Variants in EFL1 observed in about 807,000 individuals in gnomAD.
The protein encoded by EFL1 is elongation factor-like GTPase 1.
In EFL1, 76 loss-of-function variants were observed where a neutral mutation model predicts 126.7. The observed-to-expected ratio is 0.60, with a 90% CI of 0.50 to 0.73. EFL1 has a LOEUF of 0.73. EFL1 is among the 30% of genes least tolerant of loss of function. The probability of loss-of-function intolerance (pLI) is 0.00; values close to 1 mark genes in which losing one functional copy is unlikely to be tolerated. For missense variants in EFL1, 1,128 were observed against 1,343.2 expected, an observed-to-expected ratio of 0.84 and a Z score of 2.50; for synonymous variants, 410 against 448.4, an observed-to-expected ratio of 0.91 and a Z score of 1.08.
intron 15 of EFL1, among the ~76,000 whole-genome samples, chr15:82,211,549 TACACACAC>T (rs35812924): frequency 5.3e-5 from 5 of 94,364 alleles, no homozygotes; most frequent in South Asian, 3.2e-4. Flanking sequence ...AAAATCTATA[TACACACAC>T]ACACACACAC....
chr15:82,254,775 T>C (rs947261190), intron 3 of EFL1, among the ~76,000 whole-genome samples: 1 of 152,130 alleles, frequency 6.6e-6, no homozygotes, highest in African/African-American at 2.4e-5. Context: ...ATTCGTCCAT[T>C]GTAGAGAATG....
intron 19 of EFL1, among the ~76,000 whole-genome samples, chr15:82,132,935 T>C (rs942804687): frequency 4.0e-5 from 6 of 151,746 alleles, no homozygotes; most frequent in East Asian, 1.9e-4. Context: ...CAGCAAACAA[T>C]GTCAACACGA....
rs565678146 is a variant in EFL1, at chr15:82,260,995, A to G, written c.91+693T>C. Among the ~76,000 whole-genome samples the G allele has an allele frequency of 4.6e-5, 7 of 152,324 alleles. No individual in the cohort carries two copies. The South Asian group carries it at 1.4e-3, about 32-fold the overall frequency. ...ACAGCAGTATCTGTCAGAAGAACAT[A>G]CCATGGGTTAGCTATCTCTGCCTTT... On this transcript the variant is annotated intron_variant, in intron 2 of 19. Transcript: ENST00000268206.
intron 16 of EFL1, among the ~76,000 whole-genome samples, chr15:82,161,479 A>G (rs2074023669): frequency 1.3e-5 from 2 of 152,236 alleles, no homozygotes; most frequent in African/African-American, 4.8e-5. Flanking sequence ...GACAATGTAA[A>G]AACACCAAGA....
At chr15:82,138,515 T>G (rs975988293) in intron 19 of EFL1, 143 bp downstream of exon 19, 6 of 853,762 alleles carry the variant, frequency 7.0e-6, no homozygotes, top group African/African-American at 5.1e-5. Context: ...AAAAGCCATT[T>G]GCTTTCTCCT....
At chr15:82,250,950 G>A (rs1229348757) in intron 4 of EFL1, among the ~76,000 whole-genome samples, 2 of 152,092 alleles carry the variant, frequency 1.3e-5, no homozygotes, top group Non-Finnish European at 1.5e-5. Flanking sequence ...GGTGGCTCCC[G>A]ACTGTAATCC....
At position 82,261,813 on chromosome 15, in the gene EFL1, G is replaced by C. The variant is rs1244571409; in HGVS notation, c.-19-16C>G. 6.3e-7 allele frequency: 1 copy of C among 1,594,898 alleles called. No homozygotes were observed. The highest frequency in any genetic ancestry group is 8.6e-7 in the Non-Finnish European group (1 of 1,165,866). Reference sequence around the variant, plus strand: ...TTTCCTGTGACTAAAAATTAAATATGTATTACAAATGGCCCAGAGGCTAAA... The same window carrying C: ...TTTCCTGTGACTAAAAATTAAATATCTATTACAAATGGCCCAGAGGCTAAA... On this transcript the variant is annotated splice_polypyrimidine_tract_variant and intron_variant, in intron 1 of 19. Transcript: ENST00000268206.
At chr15:82,161,153 G>C (rs1416611357) in intron 16 of EFL1, among the ~76,000 whole-genome samples, 1 of 150,742 alleles carries the variant, frequency 6.6e-6, no homozygotes, top group African/African-American at 2.5e-5. Flanking sequence ...GAAGCAAACT[G>C]TTGTCTTCTG....
intron 19 of EFL1, among the ~76,000 whole-genome samples, chr15:82,130,885 T>C (rs1387533425): frequency 6.6e-6 from 1 of 152,038 alleles, no homozygotes; most frequent in East Asian, 1.9e-4. Flanking sequence ...TGGGGCGGCA[T>C]GTGCCTGTAG....
chr15:82,220,315 G>T, intron 12 of EFL1, 86 bp from the exon 13 acceptor site: 2 of 1,480,454 alleles, frequency 1.4e-6, no homozygotes, highest in Non-Finnish European at 1.8e-6. Flanking sequence ...GTAAGATGAA[G>T]ATTGGTCCCA....
In EFL1 at chr15:82,152,242, C is replaced by T. The variant is rs974517370; in HGVS notation, c.2212G>A (p.Gly738Arg). ...IPEGIQVDSDGLITITTPNKL... is the reference protein window; with the variant it reads ...IPEGIQVDSDRLITITTPNKL... ...TTGGGAGTTGTTATGGTGATTAGCC[C>T]GTCAGAGTCAACTTGGATTCCTTCA... The change falls in exon 18 of 20, where the codon GGG (glycine) becomes AGG (arginine). Residue 738 changes from glycine to arginine, a missense_variant. Transcript: ENST00000268206. 5.6e-6 allele frequency: 9 copies of T among 1,614,018 alleles called. No individual in the cohort carries two copies. Among genetic ancestry groups the T allele is most frequent in the South Asian group, 2.2e-5 (2 of 91,076 alleles).
chr15:82,157,569 G>A lies in EFL1; in HGVS notation c.2030+144C>T, dbSNP rs533355846. ...GTTATTAAAAAATAAGTCTACAATC[G>A]AATAACTGTTCATGTCTGAATTGAG... On this transcript the variant is annotated intron_variant, in intron 17 of 19. Coordinates refer to ENST00000268206, the MANE Select transcript of EFL1 (RefSeq NM_024580.6). The A allele has an allele frequency of 1.5e-5, 14 of 964,110 alleles. No individual in the cohort carries two copies. In the South Asian group the frequency reaches 3.1e-4, roughly 21 times the overall value. The allele number at this position is 964,110 out of a possible 1,614,324, so 59.7% of individuals were successfully genotyped here. A position where few individuals can be genotyped will look rare whatever the true frequency, so the allele number is the denominator to read the frequency against.
intron 19 of EFL1, among the ~76,000 whole-genome samples, chr15:82,131,773 C>A (rs946473126): frequency 1.2e-4 from 18 of 151,666 alleles, no homozygotes; most frequent in African/African-American, 4.4e-4. Context: ...GCCTGGGCAA[C>A]AAGAGTGAAA....
chr15:82,198,136 G>C (rs1199150890), intron 15 of EFL1, among the ~76,000 whole-genome samples: 1 of 152,200 alleles, frequency 6.6e-6, no homozygotes, highest in Non-Finnish European at 1.5e-5. Flanking sequence ...CGCTGACATT[G>C]AAATTGCACT....
intron 15 of EFL1, among the ~76,000 whole-genome samples, chr15:82,173,954 C>T (rs1259132260): frequency 1.3e-5 from 2 of 152,010 alleles, no homozygotes; most frequent in Non-Finnish European, 2.9e-5. Flanking sequence ...CTTTGGGAGG[C>T]CGAAGCAGGC....
At chr15:82,165,679 T>TTCTTA (rs2074072080) in intron 15 of EFL1, among the ~76,000 whole-genome samples, 2 of 152,224 alleles carry the variant, frequency 1.3e-5, no homozygotes, top group Admixed American at 1.3e-4. Context: ...TCTTAGTGTG[T>TTCTTA]GGAACCTCCA....
At position 82,228,277 on chromosome 15, in the gene EFL1, C is replaced by T. The variant is rs1182304040; in HGVS notation, c.983G>A (p.Gly328Glu). Residue 328 changes from glycine (G) to glutamate (E), a missense_variant, in exon 10 of 20, where the codon GGA becomes GAA. Physicochemically the swap from Gly to Glu is moderately conservative, Grantham distance 98. Around this residue, in one of 6 missense-constraint regions of EFL1, gnomAD observed 316 missense variants for 318.5 expected, o/e 0.99. Coordinates refer to ENST00000268206, the MANE Select transcript of EFL1 (RefSeq NM_024580.6). ...KIVTSLGLKI[G>E]AREARHSDPK... ...GTCTGAATGTCGTGCCTCCCGGGCTCCAATTTTTAATCCTAAAGAAGTCAC... is the reference window on the plus strand; with the variant it reads ...GTCTGAATGTCGTGCCTCCCGGGCTTCAATTTTTAATCCTAAAGAAGTCAC... 4 of 1,613,834 alleles carry T rather than the reference C, an allele frequency of 2.5e-6. No individual in the cohort carries two copies. The highest frequency in any genetic ancestry group is 2.5e-6 in the Non-Finnish European group (3 of 1,179,968).
chr15:82,253,821 A>G (rs1211156585), intron 3 of EFL1, among the ~76,000 whole-genome samples: 1 of 152,202 alleles, frequency 6.6e-6, no homozygotes, highest in African/African-American at 2.4e-5. Context: ...GCAGTGCATC[A>G]GTACTGACAG....
At chr15:82,208,247 T>A (rs2074546435) in intron 15 of EFL1, among the ~76,000 whole-genome samples, 1 of 152,232 alleles carries the variant, frequency 6.6e-6, no homozygotes, top group East Asian at 1.9e-4. Flanking sequence ...CCAAGCCCAG[T>A]TAGTTTTGCA....
Sources: gnomAD v4.1 joint callset for allele counts (sites outside exome capture counted in the v4.1 genomes callset) on GRCh38, gnomAD v4.1.1 for gene constraint, gnomAD v4.1.1 regional missense constraint, MANE v1.5 for transcripts, NCBI Gene and HGNC (gene_info 2026-07-23, HGNC 2026-07-21) for gene names.